Variants in SOX6 observed in about 807,000 individuals in gnomAD.
SOX6 encodes SRY-box transcription factor 6.
Under a neutral mutation model 97.8 loss-of-function variants are expected in SOX6, and 11 were observed. The ratio of observed to expected loss-of-function variants is 0.11; its 90% confidence interval spans 0.07 to 0.19. The LOEUF is 0.19. Ranked by LOEUF, SOX6 falls within the 10% of genes least tolerant of loss-of-function variation. The pLI is 1.00. For missense variants in SOX6, 810 were observed against 1,039.5 expected (o/e 0.78, Z 3.04); for synonymous variants, 360 against 371.4 (o/e 0.97, Z 0.35).
intron 4 of SOX6, among the ~76,000 whole-genome samples, chr11:16,517,491 T>A (rs1325818042): frequency 2.0e-5 from 3 of 152,172 alleles, no homozygotes; most frequent in Non-Finnish European, 4.4e-5. Context: ...TCTTTGAAAA[T>A]ATAAAATTTT....
At chr11:16,026,763 T>C (rs1855226055) in intron 12 of SOX6, among the ~76,000 whole-genome samples, 1 of 152,178 alleles carries the variant, frequency 6.6e-6, no homozygotes, top group Admixed American at 6.5e-5. Flanking sequence ...CTATGTCTGA[T>C]TGTGGAAGAA....
intron 9 of SOX6, among the ~76,000 whole-genome samples, chr11:16,062,361 C>G (rs1447252350): frequency 1.3e-5 from 2 of 151,598 alleles, no homozygotes; most frequent in Non-Finnish European, 3.0e-5. Context: ...AGGTTAAATT[C>G]TGATTAACTA....
intron 3 of SOX6, among the ~76,000 whole-genome samples, chr11:16,703,232 C>T (rs1302743856): frequency 6.6e-6 from 1 of 151,972 alleles, no homozygotes; most frequent in Non-Finnish European, 1.5e-5. Flanking sequence ...GAGGGTATCT[C>T]CAATTATTCC....
intron 4 of SOX6, among the ~76,000 whole-genome samples, chr11:16,606,513 C>T (rs1313234971): frequency 1.3e-5 from 2 of 152,230 alleles, no homozygotes; most frequent in Non-Finnish European, 2.9e-5. Flanking sequence ...CTATCACACA[C>T]TTGAGCGAAC....
chr11:16,082,936 G>A (rs140742780), intron 9 of SOX6, among the ~76,000 whole-genome samples: 82 of 152,176 alleles, frequency 5.4e-4, no homozygotes, highest in African/African-American at 1.9e-3. Context: ...ACTGTTTGTC[G>A]TTTCTGAATG....
chr11:16,122,494 T>C (rs541969606), intron 6 of SOX6, among the ~76,000 whole-genome samples: 20 of 152,072 alleles, frequency 1.3e-4, no homozygotes, highest in Non-Finnish European at 2.6e-4. Context: ...TATTTGTGAA[T>C]AATATGGCAT....
intron 6 of SOX6, among the ~76,000 whole-genome samples, chr11:16,140,469 T>C (rs1022151998): frequency 2.0e-5 from 3 of 152,200 alleles, no homozygotes; most frequent in South Asian, 4.1e-4. Context: ...GTTTGATACC[T>C]GGCTCCAACT....
chr11:16,274,902 G>T (rs558454197), intron 3 of SOX6, among the ~76,000 whole-genome samples: 5 of 152,228 alleles, frequency 3.3e-5, no homozygotes, highest in South Asian at 2.1e-4. Context: ...ATAATAGTAT[G>T]CAGGTAGCCT....
chr11:16,324,854 T>C (rs1271834254), intron 2 of SOX6, among the ~76,000 whole-genome samples: 1 of 152,114 alleles, frequency 6.6e-6, no homozygotes, highest in Non-Finnish European at 1.5e-5. Context: ...AAATATCACA[T>C]GTTCTCACTC....
chr11:16,100,149 ATTTTC>A (rs1848908498), intron 7 of SOX6, among the ~76,000 whole-genome samples: 1 of 151,794 alleles, frequency 6.6e-6, no homozygotes, highest in Non-Finnish European at 1.5e-5. Context: ...TGCTGCTCTA[ATTTTC>A]TGTGTAAGTC....
chr11:16,646,110 A>G (rs1289939704), intron 3 of SOX6: 1 of 152,178 alleles, frequency 6.6e-6, no homozygotes, highest in African/African-American at 2.4e-5. Context: ...AGGCTGAATT[A>G]ACAGCCTCAC....
intron 6 of SOX6, among the ~76,000 whole-genome samples, chr11:16,138,351 G>A (rs976307209): frequency 7.9e-5 from 12 of 151,932 alleles, no homozygotes; most frequent in Non-Finnish European, 1.5e-4. Flanking sequence ...AAAGAGCCAG[G>A]ATTCAAAAAA....
rs141152204 is a variant in SOX6, at chr11:16,186,828, C to T, written c.663G>A (p.Glu221=). Residue 221 remains glutamate (E), a synonymous_variant, in exon 5 of 16, where the codon GAG becomes GAA. Coordinates refer to ENST00000683767, the MANE Select transcript of SOX6 (RefSeq NM_001367873.1). ...CAAGGTCCATTTGCTGCCGTTGTTT[C>T]TCAATTTGTGACGCTGCCAGTTTTT... The part of the protein sequence containing the change: ...EQKKLAASQI[E]KQRQQMDLAR... The T allele has an allele frequency of 8.2e-5, 132 of 1,613,764 alleles. No homozygotes were observed. The East Asian group carries it at 2.3e-3, about 29-fold the overall frequency.
At chr11:16,568,855 T>A (rs1847905596) in intron 4 of SOX6, among the ~76,000 whole-genome samples, 1 of 152,204 alleles carries the variant, frequency 6.6e-6, no homozygotes, top group African/African-American at 2.4e-5. Flanking sequence ...AATGCATCTT[T>A]CACTTCTACC....
At chr11:16,577,826 G>A (rs908355051) in intron 4 of SOX6, among the ~76,000 whole-genome samples, 1 of 152,074 alleles carries the variant, frequency 6.6e-6, no homozygotes, top group East Asian at 1.9e-4. Flanking sequence ...CTGAATTCAA[G>A]TCTTTTATTA....
chr11:16,378,400 A>C (rs1193270583), intron 1 of SOX6, among the ~76,000 whole-genome samples: 2 of 152,172 alleles, frequency 1.3e-5, no homozygotes. Flanking sequence ...AAGAATAACC[A>C]AGATAATTTT....
chr11:16,136,629 T>C (rs1849973564), intron 6 of SOX6, among the ~76,000 whole-genome samples: 1 of 152,028 alleles, frequency 6.6e-6, no homozygotes, highest in South Asian at 2.1e-4. Flanking sequence ...AGAAATATAG[T>C]CTTGCCATCT....
intron 3 of SOX6, chr11:16,315,456 C>T (rs1223890757): frequency 6.6e-6 from 1 of 151,926 alleles, no homozygotes; most frequent in African/African-American, 2.4e-5. Context: ...AAAAGATATA[C>T]CATAAACTGT....
rs139193933 is a variant in SOX6 at position 16,210,001 on chromosome 11, C to A, written c.536-23046G>T. On this transcript the variant is annotated intron_variant, in intron 4 of 15. Coordinates refer to ENST00000683767, the MANE Select transcript of SOX6 (RefSeq NM_001367873.1). ...TGTGTTTTCAATATTGTTAATAAGA[C>A]AGTATGTGGAGAAAGTGAAACCCAC... 4.1e-3 allele frequency among the ~76,000 whole-genome samples: 631 copies of A among 152,072 alleles called. 5 individuals are homozygous for A. Among genetic ancestry groups the A allele is most frequent in the African/African-American group, 0.013 (543 of 41,474 alleles).
Sources: gnomAD v4.1 joint callset for allele counts (sites outside exome capture counted in the v4.1 genomes callset) on GRCh38, gnomAD v4.1.1 for gene constraint, MANE v1.5 for transcripts, NCBI Gene and HGNC (gene_info 2026-07-23, HGNC 2026-07-21) for gene names.